IL19: variants seen among roughly 807,000 people sequenced by gnomAD.
IL19 encodes interleukin-19.
Under a neutral mutation model 19.5 loss-of-function variants are expected in IL19, and 15 were observed. That is an observed-to-expected ratio of 0.77 (90% CI 0.52 to 1.19). The LOEUF (loss-of-function observed/expected upper bound fraction) is 1.19, where lower values mean the gene tolerates loss of function less well. Ranked by LOEUF, IL19 falls within the 50% of genes most tolerant of loss-of-function variation. The pLI is 0.00. For missense variants in IL19, 199 were observed against 213.1 expected, an observed-to-expected ratio of 0.93 and a Z score of 0.41; for synonymous variants, 78 against 78.3, an observed-to-expected ratio of 1.00 and a Z score of 0.02.
intron 2 of IL19, among the ~76,000 whole-genome samples, chr1:206,824,535 G>A (rs1353965044): frequency 6.6e-6 from 1 of 152,138 alleles, no homozygotes; most frequent in Admixed American, 6.6e-5. Context: ...GGAGCTTCCT[G>A]TATGTTATAC....
intron 1 of IL19, 180 bp downstream of exon 1, chr1:206,771,258 G>T: frequency 1.6e-6 from 2 of 1,266,798 alleles, no homozygotes; most frequent in Non-Finnish European, 2.3e-6. Context: ...CCTTTTCAAA[G>T]CGAAGGAAAC....
intron 1 of IL19, among the ~76,000 whole-genome samples, chr1:206,796,464 G>GT (rs1003924942): frequency 2.6e-5 from 4 of 152,122 alleles, no homozygotes; most frequent in African/African-American, 9.7e-5. Flanking sequence ...ACTTACCATT[G>GT]TTTTTCCCCC....
chr1:206,812,692 C>A (rs1282321699), intron 2 of IL19, among the ~76,000 whole-genome samples: 1 of 152,154 alleles, frequency 6.6e-6, no homozygotes. Flanking sequence ...ACATAAAAAA[C>A]CCCAACCGTG....
intron 1 of IL19, among the ~76,000 whole-genome samples, chr1:206,785,500 T>C (rs774318590): frequency 6.6e-6 from 1 of 152,200 alleles, no homozygotes; most frequent in Non-Finnish European, 1.5e-5. Flanking sequence ...GTGGGGCTGA[T>C]CTGTGAGCTG....
rs775948833 is a variant in IL19 at position 206,840,230 on chromosome 1, T to C, written c.363+228T>C. ...ATGGTCTCCTCCTAGATAACCCTCCTGGGGTGACCAACTTATGTCAACATA... is the reference window on the plus strand; with the variant it reads ...ATGGTCTCCTCCTAGATAACCCTCCCGGGGTGACCAACTTATGTCAACATA... On this transcript the variant is annotated intron_variant, in intron 5 of 6. Transcript: ENST00000659997. The C allele has an allele frequency of 5.9e-6, 4 of 680,582 alleles. No homozygotes were observed. In the South Asian group the frequency reaches 6.0e-5, roughly 10 times the overall value. 42.2% of individuals were successfully genotyped at this position (680,582 alleles called of 1,614,324 possible). A position where few individuals can be genotyped will look rare whatever the true frequency, so the allele number is the denominator to read the frequency against.
intron 6 of IL19, 39 bp from the exon 7 acceptor site, chr1:206,842,488 T>C: frequency 1.6e-6 from 2 of 1,229,458 alleles, no homozygotes; most frequent in South Asian, 2.6e-5. Flanking sequence ...CATTACACAG[T>C]CTAGAAAGGT....
intron 1 of IL19, among the ~76,000 whole-genome samples, chr1:206,786,037 G>A (rs1449884558): frequency 6.6e-6 from 1 of 151,978 alleles, no homozygotes; most frequent in Non-Finnish European, 1.5e-5. Context: ...GAAAGGGGAG[G>A]GATATAGGAC....
chr1:206,827,620 G>A (rs1028046075), intron 2 of IL19, among the ~76,000 whole-genome samples: 6 of 151,964 alleles, frequency 3.9e-5, no homozygotes, highest in African/African-American at 7.2e-5. Flanking sequence ...AACCCCGGGG[G>A]GCGGAGCCTG....
chr1:206,839,297 A>C (rs1221067347), intron 4 of IL19, among the ~76,000 whole-genome samples: 1 of 152,226 alleles, frequency 6.6e-6, no homozygotes, highest in Non-Finnish European at 1.5e-5. Context: ...GACAGACTAC[A>C]GGAGAGCTGA....
At chr1:206,805,055 G>C (rs1284015416) in intron 2 of IL19, among the ~76,000 whole-genome samples, 2 of 152,228 alleles carry the variant, frequency 1.3e-5, no homozygotes, top group East Asian at 3.9e-4. Context: ...TGCATACCTG[G>C]CTCTGCTTCT....
intron 2 of IL19, among the ~76,000 whole-genome samples, chr1:206,825,933 A>G (rs570481489): frequency 6.6e-6 from 1 of 152,340 alleles, no homozygotes; most frequent in South Asian, 2.1e-4. Context: ...TGTGGAGTCT[A>G]TATTCAAACC....
intron 4 of IL19, 33 bp from the exon 5 acceptor site, chr1:206,839,817 G>A: frequency 1.3e-6 from 2 of 1,577,042 alleles, no homozygotes; most frequent in Non-Finnish European, 8.6e-7. Context: ...TGAGAGAAGA[G>A]GCCTCTAGTG....
At chr1:206,818,595 C>T (rs1006670383) in intron 2 of IL19, among the ~76,000 whole-genome samples, 2 of 152,134 alleles carry the variant, frequency 1.3e-5, no homozygotes, top group Admixed American at 6.5e-5. Flanking sequence ...GCAGGAGAAA[C>T]TGCTGGGGCT....
chr1:206,838,806 CCTT>C (rs1402568560), intron 4 of IL19, among the ~76,000 whole-genome samples: 1 of 148,236 alleles, frequency 6.7e-6, no homozygotes, highest in Non-Finnish European at 1.5e-5. Context: ...CTTCCTCTCT[CCTT>C]CCCTTCCTTT....
chr1:206,795,180 G>A (rs1225014287), intron 1 of IL19, among the ~76,000 whole-genome samples: 1 of 152,214 alleles, frequency 6.6e-6, no homozygotes, highest in Non-Finnish European at 1.5e-5. Context: ...GGCCACCAAG[G>A]CTGGTACAGT....
intron 1 of IL19, among the ~76,000 whole-genome samples, chr1:206,798,374 T>C (rs1034814377): frequency 1.3e-5 from 2 of 152,130 alleles, no homozygotes; most frequent in African/African-American, 2.4e-5. Flanking sequence ...CCTGCAGTCC[T>C]TGGGGGGCTT....
chr1:206,842,495 A>ATTC (rs1558625367), intron 6 of IL19, 32 bp from the exon 7 acceptor site: 2 of 1,295,596 alleles, frequency 1.5e-6, no homozygotes, highest in African/African-American at 2.9e-5. Flanking sequence ...CAGTCTAGAA[A>ATTC]GGTGGGTTCT....
At chr1:206,819,648 T>A (rs187334901) in intron 2 of IL19, among the ~76,000 whole-genome samples, 106 of 152,324 alleles carry the variant, frequency 7.0e-4, no homozygotes, top group African/African-American at 2.3e-3. Flanking sequence ...AATAGCCATT[T>A]GTGGCTAGAG....
chr1:206,815,343 G>A (rs1019968825), intron 2 of IL19, among the ~76,000 whole-genome samples: 9 of 152,184 alleles, frequency 5.9e-5, no homozygotes, highest in Admixed American at 1.3e-4. Flanking sequence ...TAGATGTCAT[G>A]TCTCAGTGGG....
Sources: allele counts gnomAD v4.1 joint callset (sites outside exome capture counted in the v4.1 genomes callset), GRCh38; gene constraint gnomAD v4.1.1; transcripts MANE v1.5; gene names NCBI Gene and HGNC (gene_info 2026-07-23, HGNC 2026-07-21).